Variants in KCNT2 observed in about 807,000 individuals in gnomAD.
The protein encoded by KCNT2 is potassium sodium-activated channel subfamily T member 2.
In KCNT2, 67 loss-of-function variants were observed where a neutral mutation model predicts 153.8. The observed-to-expected ratio is 0.44, with a 90% CI of 0.36 to 0.53. The LOEUF is 0.53. KCNT2 is among the 20% of genes least tolerant of loss of function. KCNT2 has a pLI of 0.00. For missense variants in KCNT2, 975 were observed against 1,354.8 expected (o/e 0.72, Z 4.40); for synonymous variants, 500 against 458.8 (o/e 1.09, Z -1.15).
At chr1:196,584,912 G>A (rs948769110) in intron 1 of KCNT2, among the ~76,000 whole-genome samples, 1 of 152,002 alleles carries the variant, frequency 6.6e-6, no homozygotes, top group Non-Finnish European at 1.5e-5. Context: ...GTTTGGGGGT[G>A]GGGTTTGCAA....
intron 2 of KCNT2, among the ~76,000 whole-genome samples, chr1:196,491,992 T>C (rs1339459261): frequency 6.6e-6 from 1 of 152,072 alleles, no homozygotes; most frequent in Non-Finnish European, 1.5e-5. Flanking sequence ...CTAATCCAGA[T>C]AGTCCACTCA....
chr1:196,375,748 A>G (rs181514762), intron 13 of KCNT2, among the ~76,000 whole-genome samples: 25 of 151,722 alleles, frequency 1.6e-4, no homozygotes, highest in Non-Finnish European at 3.2e-4. Context: ...CAAAATATTT[A>G]TTATAAAAAG....
chr1:196,313,491 T>G (rs73065818), intron 21 of KCNT2, among the ~76,000 whole-genome samples: 16,227 of 151,388 alleles, frequency 0.11, 1,243 homozygotes, highest in African/African-American at 0.22. Context: ...AGAAGAGTGA[T>G]CTGGAGGATG....
chr1:196,350,844 G>A lies in KCNT2; in HGVS notation c.1404-8616C>T, dbSNP rs530071344. Among the ~76,000 whole-genome samples the A allele has an allele frequency of 3.9e-3, 586 of 152,080 alleles. 3 individuals are homozygous for A. The highest frequency in any genetic ancestry group is 0.013 in the African/African-American group (543 of 41,498). ...GGGTTTTTATGGTTTTAGGTCTAAC[G>A]TTTAAGTCTTTAATCCATCTTGAAT... On this transcript the variant is annotated intron_variant, in intron 14 of 27. Coordinates refer to ENST00000294725, the MANE Select transcript of KCNT2 (RefSeq NM_198503.5).
At chr1:196,471,574 G>A (rs1678112362) in intron 5 of KCNT2, among the ~76,000 whole-genome samples, 2 of 152,028 alleles carry the variant, frequency 1.3e-5, no homozygotes, top group African/African-American at 4.8e-5. Flanking sequence ...CACAAGAAGA[G>A]ATTGATCTGA....
chr1:196,468,204 T>C (rs775245774), intron 6 of KCNT2, among the ~76,000 whole-genome samples: 2 of 152,088 alleles, frequency 1.3e-5, no homozygotes, highest in Non-Finnish European at 2.9e-5. Context: ...TTAAGCGACA[T>C]TGCGGAGCTA....
chr1:196,327,776 C>G (rs1255798668), intron 18 of KCNT2, among the ~76,000 whole-genome samples: 2 of 151,198 alleles, frequency 1.3e-5, no homozygotes, highest in East Asian at 3.9e-4. Context: ...AGGTGATTCT[C>G]CCACCTCAGC....
chr1:196,358,227 T>C (rs1316759181), intron 14 of KCNT2, among the ~76,000 whole-genome samples: 1 of 151,762 alleles, frequency 6.6e-6, no homozygotes, highest in African/African-American at 2.4e-5. Flanking sequence ...GAGATTATCT[T>C]CCAAAACAAT....
At chr1:196,305,099 A>C (rs1272025159) in intron 22 of KCNT2, 135 bp downstream of exon 22, 2 of 625,390 alleles carry the variant, frequency 3.2e-6, no homozygotes, top group Non-Finnish European at 5.7e-6. Flanking sequence ...ATCAATTAGA[A>C]TTTCATCTCC....
intron 26 of KCNT2, among the ~76,000 whole-genome samples, chr1:196,243,772 G>A (rs1379742779): frequency 6.6e-6 from 1 of 152,110 alleles, no homozygotes; most frequent in Non-Finnish European, 1.5e-5. Flanking sequence ...TAGGCCATAA[G>A]GACTGAAATT....
intron 14 of KCNT2, among the ~76,000 whole-genome samples, chr1:196,362,854 C>T (rs967475409): frequency 6.6e-6 from 1 of 152,040 alleles, no homozygotes; most frequent in African/African-American, 2.4e-5. Context: ...TGAAAGGCAA[C>T]ATGAAAACAT....
intron 22 of KCNT2, among the ~76,000 whole-genome samples, chr1:196,294,161 C>T (rs1452211743): frequency 6.6e-6 from 1 of 152,160 alleles, no homozygotes; most frequent in Non-Finnish European, 1.5e-5. Flanking sequence ...GATATCACCT[C>T]ATACCTGTTA....
intron 1 of KCNT2, among the ~76,000 whole-genome samples, chr1:196,552,952 C>G (rs1486541030): frequency 3.3e-5 from 5 of 150,810 alleles, no homozygotes; most frequent in Non-Finnish European, 5.9e-5. Context: ...GAAATTAAAG[C>G]ATACCATGAG....
intron 21 of KCNT2, among the ~76,000 whole-genome samples, chr1:196,310,514 T>C (rs1055427776): frequency 1.4e-4 from 21 of 152,074 alleles, no homozygotes; most frequent in African/African-American, 5.1e-4. Flanking sequence ...TATATAAAGA[T>C]ATCAATCTTG....
chr1:196,330,440 A>AGTGACTTGTAAGTTTGAAG (rs1664345393), intron 18 of KCNT2, among the ~76,000 whole-genome samples: 1 of 151,874 alleles, frequency 6.6e-6, no homozygotes, highest in Non-Finnish European at 1.5e-5. Context: ...GAGATTTTTA[A>AGTGACTTGTAAGTTTGAAG]CTGTAACTTC....
chr1:196,421,940 A>G (rs964085156), intron 12 of KCNT2, among the ~76,000 whole-genome samples: 4 of 152,114 alleles, frequency 2.6e-5, no homozygotes, highest in African/African-American at 9.6e-5. Flanking sequence ...TTCTCTTTTT[A>G]TAAGGACACT....
At chr1:196,438,914 C>G (rs573983586) in intron 8 of KCNT2, among the ~76,000 whole-genome samples, 46 of 151,662 alleles carry the variant, frequency 3.0e-4, no homozygotes, top group African/African-American at 8.7e-4. Context: ...TTACTTAAAA[C>G]ATATATTCAT....
chr1:196,385,734 C>T (rs1214624800), intron 13 of KCNT2, among the ~76,000 whole-genome samples: 3 of 150,208 alleles, frequency 2.0e-5, no homozygotes, highest in Non-Finnish European at 4.4e-5. Flanking sequence ...CAAGTACTGT[C>T]TCAACCAGTT....
intron 8 of KCNT2, among the ~76,000 whole-genome samples, chr1:196,431,307 C>G (rs74940900): frequency 6.6e-6 from 1 of 151,964 alleles, no homozygotes; most frequent in African/African-American, 2.4e-5. Flanking sequence ...AATGTGGAAG[C>G]AGCTTTGGAA....
Sources: allele counts gnomAD v4.1 joint callset (sites outside exome capture counted in the v4.1 genomes callset), GRCh38; gene constraint gnomAD v4.1.1; transcripts MANE v1.5; gene names NCBI Gene and HGNC (gene_info 2026-07-23, HGNC 2026-07-21).